CNTNAP2: variants seen among roughly 807,000 people sequenced by gnomAD.
CNTNAP2 encodes contactin associated protein 2.
Under a neutral mutation model 155.2 loss-of-function variants are expected in CNTNAP2, and 98 were observed. The ratio of observed to expected loss-of-function variants is 0.63; its 90% CI spans 0.54 to 0.75. The LOEUF (loss-of-function observed/expected upper bound fraction) is 0.75. Ranked by LOEUF, CNTNAP2 falls within the 30% of genes least tolerant of loss-of-function variation. The probability of loss-of-function intolerance (pLI) is 0.00; values close to 1 mark genes in which losing one functional copy is unlikely to be tolerated. For missense variants in CNTNAP2, 1,727 were observed against 1,688.1 expected (o/e 1.02, Z -0.40); for synonymous variants, 651 against 631.2 (o/e 1.03, Z -0.47).
intron 5 of CNTNAP2, among the ~76,000 whole-genome samples, chr7:147,116,479 C>T (rs780406380): frequency 1.9e-4 from 29 of 152,186 alleles, no homozygotes; most frequent in African/African-American, 5.8e-4. Context: ...CACTTTGTCC[C>T]GTGGAGAACA....
At chr7:148,068,556 A>G (rs934485569) in intron 15 of CNTNAP2, among the ~76,000 whole-genome samples, 5 of 151,982 alleles carry the variant, frequency 3.3e-5, no homozygotes, top group African/African-American at 9.7e-5. Flanking sequence ...TTTATATCCT[A>G]TATTATGCTT....
chr7:147,649,763 T>C (rs544858650), intron 13 of CNTNAP2, among the ~76,000 whole-genome samples: 2 of 152,070 alleles, frequency 1.3e-5, no homozygotes, highest in African/African-American at 4.8e-5. Context: ...TTCAAAAAAT[T>C]AAAAAACTAC....
intron 2 of CNTNAP2, among the ~76,000 whole-genome samples, chr7:146,809,150 T>A (rs1803020338): frequency 6.6e-6 from 1 of 152,206 alleles, no homozygotes; most frequent in Non-Finnish European, 1.5e-5. Flanking sequence ...CAAACTGGTT[T>A]CCATAATAAT....
intron 15 of CNTNAP2, among the ~76,000 whole-genome samples, chr7:148,030,719 T>C (rs953393697): frequency 6.6e-6 from 1 of 151,440 alleles, no homozygotes; most frequent in Non-Finnish European, 1.5e-5. Flanking sequence ...TGTAATTTCT[T>C]GAGAAGCGTA....
At chr7:147,926,927 A>G (rs540619287) in intron 14 of CNTNAP2, among the ~76,000 whole-genome samples, 1 of 152,328 alleles carries the variant, frequency 6.6e-6, no homozygotes, top group African/African-American at 2.4e-5. Flanking sequence ...AATTTAAATT[A>G]TTTATAATTG....
chr7:148,213,217 C>T (rs1016269883), intron 18 of CNTNAP2, among the ~76,000 whole-genome samples: 1 of 152,140 alleles, frequency 6.6e-6, no homozygotes, highest in African/African-American at 2.4e-5. Context: ...TTCTCCAGAA[C>T]CCCTGAGCTA....
chr7:147,258,450 T>G (rs1337454467), intron 8 of CNTNAP2, among the ~76,000 whole-genome samples: 9 of 152,146 alleles, frequency 5.9e-5, no homozygotes, highest in Admixed American at 5.9e-4. Flanking sequence ...TGTAGCCATA[T>G]CAGAAGTCCT....
chr7:146,939,666 T>A (rs1403552337), intron 3 of CNTNAP2, among the ~76,000 whole-genome samples: 2 of 152,150 alleles, frequency 1.3e-5, no homozygotes, highest in Non-Finnish European at 2.9e-5. Flanking sequence ...GTTTTTTAAT[T>A]TGCCTGTAAT....
At chr7:146,249,695 C>T (rs1041005846) in intron 1 of CNTNAP2, among the ~76,000 whole-genome samples, 2 of 152,122 alleles carry the variant, frequency 1.3e-5, no homozygotes, top group Admixed American at 1.3e-4. Flanking sequence ...GAAAACTTGT[C>T]AGAATGCTAT....
intron 1 of CNTNAP2, among the ~76,000 whole-genome samples, chr7:146,735,687 G>GTATATGCATATATATACATATGCATATA (rs1801604442): frequency 6.7e-6 from 1 of 150,108 alleles, no homozygotes; most frequent in African/African-American, 2.5e-5. Flanking sequence ...ACATGTATAT[G>GTATATGCATATATATACATATGCATATA]TATGTGCATA....
chr7:147,093,281 T>A (rs1052449537), intron 4 of CNTNAP2, among the ~76,000 whole-genome samples: 1 of 151,124 alleles, frequency 6.6e-6, no homozygotes, highest in African/African-American at 2.4e-5. Flanking sequence ...GGTGTACGTA[T>A]GTCAGATGAT....
At chr7:146,806,385 A>T (rs553249036) in intron 2 of CNTNAP2, among the ~76,000 whole-genome samples, 1 of 152,154 alleles carries the variant, frequency 6.6e-6, no homozygotes, top group Non-Finnish European at 1.5e-5. Flanking sequence ...AATCCCAGCT[A>T]CTTGGGAGGC....
chr7:146,833,873 T>C (rs1333826916), intron 2 of CNTNAP2, among the ~76,000 whole-genome samples: 2 of 152,168 alleles, frequency 1.3e-5, no homozygotes, highest in Admixed American at 1.3e-4. Context: ...TGCATAGAGA[T>C]GTTTATCTTA....
At position 146,537,488 on chromosome 7, in the gene CNTNAP2, G is replaced by A. The variant is rs150642407; in HGVS notation, c.98-236783G>A. Reference sequence around the variant, plus strand: ...TTGTAAAAAGAGCCTGTCATCATGCGAGTCACAGTCTAGTAGAGTCAGGAA... The same window carrying A: ...TTGTAAAAAGAGCCTGTCATCATGCAAGTCACAGTCTAGTAGAGTCAGGAA... On this transcript the variant is annotated intron_variant, in intron 1 of 23. Transcript: ENST00000361727. 4.7e-4 allele frequency among the ~76,000 whole-genome samples: 71 copies of A among 152,084 alleles called. No homozygotes were observed. In the East Asian group the frequency reaches 0.013, roughly 27 times the overall value.
intron 1 of CNTNAP2, among the ~76,000 whole-genome samples, chr7:146,248,465 G>T (rs1799700448): frequency 6.6e-6 from 1 of 152,188 alleles, no homozygotes; most frequent in Admixed American, 6.5e-5. Context: ...AACACCAGGG[G>T]AAGGCTGCCT....
At chr7:146,896,141 G>A (rs1198230430) in intron 3 of CNTNAP2, among the ~76,000 whole-genome samples, 1 of 151,996 alleles carries the variant, frequency 6.6e-6, no homozygotes, top group African/African-American at 2.4e-5. Flanking sequence ...CAGAGTGGTG[G>A]GATAGGATGC....
rs114842036 is a variant in CNTNAP2 at position 148,136,936 on chromosome 7, A to G, written c.2555-10555A>G. On this transcript the variant is annotated intron_variant, in intron 16 of 23. Transcript: ENST00000361727. ...AAAGTTATATTTTCAGCTGTTATCCAAAACAAAGGAAGCGTACTCTGTGAA... is the reference window on the plus strand; with the variant it reads ...AAAGTTATATTTTCAGCTGTTATCCGAAACAAAGGAAGCGTACTCTGTGAA... Among the ~76,000 whole-genome samples, 733 of 152,360 alleles carry G rather than the reference A, an allele frequency of 4.8e-3. 7 individuals carry two copies. The highest frequency in any genetic ancestry group is 0.017 in the African/African-American group (691 of 41,588).
intron 15 of CNTNAP2, among the ~76,000 whole-genome samples, chr7:147,997,859 C>T (rs531058462): frequency 5.3e-4 from 80 of 152,192 alleles, no homozygotes; most frequent in African/African-American, 1.8e-3. Context: ...CGTGTTCATA[C>T]GTCTCATGTC....
chr7:146,668,975 A>C (rs1432053800), intron 1 of CNTNAP2, among the ~76,000 whole-genome samples: 1 of 152,050 alleles, frequency 6.6e-6, no homozygotes, highest in South Asian at 2.1e-4. Context: ...AATATGGTCT[A>C]TGTTGTTAAA....
Sources: allele counts gnomAD v4.1 joint callset (sites outside exome capture counted in the v4.1 genomes callset), GRCh38; gene constraint gnomAD v4.1.1; transcripts MANE v1.5; gene names NCBI Gene and HGNC (gene_info 2026-07-23, HGNC 2026-07-21).